Variants in ATP6V0D2 observed in about 807,000 individuals in gnomAD.
The protein encoded by ATP6V0D2 is V-type proton ATPase subunit d 2.
ATP6V0D2 carries 40 observed loss-of-function variants against 40.0 expected under a neutral mutation model. The ratio of observed to expected loss-of-function variants is 1.00; its 90% CI spans 0.78 to 1.30. The LOEUF is 1.30. ATP6V0D2 is among the 50% of genes most tolerant of loss of function. ATP6V0D2 has a pLI of 0.00. For synonymous variants in ATP6V0D2, 179 were observed against 156.3 expected, an observed-to-expected ratio of 1.15 and a Z score of -1.08; for missense variants, 470 against 423.1, an observed-to-expected ratio of 1.11 and a Z score of -0.97.
At chr8:86,128,228 A>C (rs2130256754) in intron 2 of ATP6V0D2, among the ~76,000 whole-genome samples, 1 of 152,296 alleles carries the variant, frequency 6.6e-6, no homozygotes. Flanking sequence ...GGGTGCCTGT[A>C]ATCCCAGCTA....
At position 86,123,778 on chromosome 8, in the gene ATP6V0D2, C is replaced by G. The variant is rs111690598; in HGVS notation, c.302+9898C>G. Among the ~76,000 whole-genome samples the G allele has an allele frequency of 5.6e-3, 856 of 152,100 alleles. 8 individuals are homozygous for G. Among genetic ancestry groups the G allele is most frequent in the African/African-American group, 0.02 (815 of 41,514 alleles). Reference sequence around the variant, plus strand: ...GAAATTATAGAAGTAAATAAATCACCCTAAATCTCACCATCAATTGACATA... The same window carrying G: ...GAAATTATAGAAGTAAATAAATCACGCTAAATCTCACCATCAATTGACATA... On this transcript the variant is annotated intron_variant, in intron 2 of 7. Coordinates refer to ENST00000285393, the MANE Select transcript of ATP6V0D2 (RefSeq NM_152565.1).
At chr8:86,138,136 A>AC (rs774069652) in intron 2 of ATP6V0D2, among the ~76,000 whole-genome samples, 2 of 152,098 alleles carry the variant, frequency 1.3e-5, no homozygotes, top group Non-Finnish European at 1.5e-5. Context: ...CAAAGGAAAC[A>AC]CCCTGAGTAT....
Position 86,141,505 on chromosome 8 carries a change from A to G in ATP6V0D2, c.537A>G (p.Glu179=). The G allele has an allele frequency of 6.2e-7, 1 of 1,608,190 alleles. No individual in the cohort carries two copies. The highest frequency in any genetic ancestry group is 8.5e-7 in the Non-Finnish European group (1 of 1,176,230). Residue 179 remains glutamate, a synonymous_variant, in exon 4 of 8, where the codon GAA becomes GAG. Transcript: ENST00000285393. The stretch of plus-strand genomic sequence containing the variant: ...ATGCTCTAGATGAACTGAATATTGA[A>G]TTGCTACGCAATAAACTATACAAGG... The part of the protein sequence containing the change: ...SENALDELNI[E]LLRNKLYKSY...
At chr8:86,121,601 G>GGAT (rs1190268357) in intron 2 of ATP6V0D2, among the ~76,000 whole-genome samples, 1 of 134,080 alleles carries the variant, frequency 7.5e-6, no homozygotes, top group African/African-American at 2.7e-5. Context: ...AGGAGGAGGA[G>GGAT]GAGGAGGAGG....
At chr8:86,105,293 G>A (rs1306253638) in intron 1 of ATP6V0D2, among the ~76,000 whole-genome samples, 1 of 151,974 alleles carries the variant, frequency 6.6e-6, no homozygotes, top group Non-Finnish European at 1.5e-5. Flanking sequence ...CTGCCTTATT[G>A]CAAGCTTTTT....
chr8:86,149,978 A>G, intron 5 of ATP6V0D2, 134 bp from the exon 6 acceptor site: 1 of 796,386 alleles, frequency 1.3e-6, no homozygotes, highest in Non-Finnish European at 2.0e-6. Context: ...CTAATAACAC[A>G]TGTCTGGAGT....
intron 1 of ATP6V0D2, among the ~76,000 whole-genome samples, chr8:86,112,591 A>T (rs1400579275): frequency 3.9e-5 from 6 of 152,110 alleles, no homozygotes; most frequent in African/African-American, 1.4e-4. Flanking sequence ...ATCACTGGTA[A>T]CTATTATTTT....
chr8:86,152,674 C>A, intron 7 of ATP6V0D2, 142 bp from the exon 8 acceptor site: 1 of 638,282 alleles, frequency 1.6e-6, no homozygotes, highest in Non-Finnish European at 2.5e-6. Context: ...TGTCACCATA[C>A]TCCTCTATTT....
chr8:86,131,345 G>T (rs1049582779), intron 2 of ATP6V0D2, among the ~76,000 whole-genome samples: 2 of 150,206 alleles, frequency 1.3e-5, no homozygotes, highest in African/African-American at 4.9e-5. Context: ...GCCTACAGGC[G>T]CACACCAACA....
At chr8:86,134,557 TAA>T (rs1818873402) in intron 2 of ATP6V0D2, among the ~76,000 whole-genome samples, 1 of 152,174 alleles carries the variant, frequency 6.6e-6, no homozygotes, top group Non-Finnish European at 1.5e-5. Context: ...TAAAAAGAAG[TAA>T]AGTTTTTAAA....
At chr8:86,104,120 G>A (rs933437736) in intron 1 of ATP6V0D2, among the ~76,000 whole-genome samples, 2 of 152,002 alleles carry the variant, frequency 1.3e-5, no homozygotes, top group Non-Finnish European at 2.9e-5. Flanking sequence ...GACCCACCGC[G>A]GCTGGCCTTT....
intron 1 of ATP6V0D2, 62 bp downstream of exon 1, chr8:86,099,170 C>T (rs1818360227): frequency 1.3e-6 from 2 of 1,487,230 alleles, no homozygotes; most frequent in Middle Eastern, 1.8e-4. Flanking sequence ...ATGTCCCTCT[C>T]CAGAAGCATG....
chr8:86,148,631 G>A (rs1331331751), intron 5 of ATP6V0D2, among the ~76,000 whole-genome samples: 2 of 152,074 alleles, frequency 1.3e-5, no homozygotes, highest in Non-Finnish European at 2.9e-5. Context: ...TCCAGGTGAC[G>A]TCAAATCTAC....
At chr8:86,116,933 T>C (rs1818597530) in intron 2 of ATP6V0D2, among the ~76,000 whole-genome samples, 1 of 152,218 alleles carries the variant, frequency 6.6e-6, no homozygotes, top group Non-Finnish European at 1.5e-5. Context: ...AAAAAAATAG[T>C]ATCTCTTTGC....
chr8:86,118,631 A>G (rs1818627353), intron 2 of ATP6V0D2, among the ~76,000 whole-genome samples: 1 of 152,164 alleles, frequency 6.6e-6, no homozygotes, highest in Non-Finnish European at 1.5e-5. Flanking sequence ...CTCTGCAAGC[A>G]GTGGTGCCTC....
chr8:86,119,042 G>A (rs1818632511), intron 2 of ATP6V0D2, among the ~76,000 whole-genome samples: 1 of 152,070 alleles, frequency 6.6e-6, no homozygotes. Context: ...ACAGAGGGCA[G>A]CCCAATTTTA....
At chr8:86,129,994 AAAAAG>A (rs544993108) in intron 2 of ATP6V0D2, among the ~76,000 whole-genome samples, 1,518 of 150,920 alleles carry the variant, frequency 0.01, 7 homozygotes, top group Non-Finnish European at 0.017. Flanking sequence ...AAAAAAAAAA[AAAAAG>A]AAAAGAAAAG....
chr8:86,113,666 A>G, intron 1 of ATP6V0D2, 43 bp from the exon 2 acceptor site: 2 of 1,521,384 alleles, frequency 1.3e-6, no homozygotes, highest in Non-Finnish European at 1.8e-6. Context: ...CTATTTGTGT[A>G]TGTTCAAAAT....
At chr8:86,134,964 A>T (rs566591118) in intron 2 of ATP6V0D2, among the ~76,000 whole-genome samples, 1 of 148,926 alleles carries the variant, frequency 6.7e-6, no homozygotes, top group South Asian at 2.2e-4. Flanking sequence ...CCAGTTATAT[A>T]TTATTCAGAA....
Sources: gnomAD v4.1 joint callset for allele counts (sites outside exome capture counted in the v4.1 genomes callset) on GRCh38, gnomAD v4.1.1 for gene constraint, MANE v1.5 for transcripts, NCBI Gene and HGNC (gene_info 2026-07-23, HGNC 2026-07-21) for gene names.